ARSJ: variants seen among roughly 807,000 people sequenced by gnomAD.
ARSJ encodes the protein arylsulfatase J.
A neutral mutation model predicts 35.9 loss-of-function variants in ARSJ; 26 were observed. That is an observed-to-expected ratio of 0.72 (90% CI 0.53 to 1.00). The LOEUF is 1.00. ARSJ is among the 50% of genes least tolerant of loss of function. The pLI, the probability that ARSJ is intolerant of heterozygous loss-of-function variation, is 0.00. For synonymous variants in ARSJ, 294 were observed against 267.6 expected (o/e 1.10, Z -0.96); for missense variants, 667 against 723.6 (o/e 0.92, Z 0.90).
Position 113,977,576 on chromosome 4 carries a change from A to G in ARSJ, c.398+861T>C, listed in dbSNP as rs79871845. 0.013 allele frequency among the ~76,000 whole-genome samples: 2,038 copies of G among 152,288 alleles called. 115 individuals are homozygous for G. In the East Asian group the frequency reaches 0.16, roughly 12 times the overall value. Reference sequence around the variant, plus strand: ...GTCCAGCTTAACCCCTGCCCTTCCTAGTTTATCTTCGTTCCACAGGCTGAA... The same window carrying G: ...GTCCAGCTTAACCCCTGCCCTTCCTGGTTTATCTTCGTTCCACAGGCTGAA... On this transcript the variant is annotated intron_variant, in intron 1 of 1. Coordinates refer to ENST00000315366, the MANE Select transcript of ARSJ (RefSeq NM_024590.4).
At chr4:113,904,934 T>C (rs2099668273) in intron 1 of ARSJ, among the ~76,000 whole-genome samples, 1 of 152,240 alleles carries the variant, frequency 6.6e-6, no homozygotes, top group African/African-American at 2.4e-5. Flanking sequence ...AATAAGTCCT[T>C]ATGTATGTTT....
At chr4:113,928,804 G>T (rs575993783) in intron 1 of ARSJ, among the ~76,000 whole-genome samples, 1 of 152,248 alleles carries the variant, frequency 6.6e-6, no homozygotes, top group African/African-American at 2.4e-5. Context: ...AATCTGTTTT[G>T]CAAGGCATTG....
intron 1 of ARSJ, among the ~76,000 whole-genome samples, chr4:113,912,915 C>CA (rs1290903376): frequency 1.3e-5 from 2 of 151,882 alleles, no homozygotes; most frequent in Non-Finnish European, 2.9e-5. Flanking sequence ...GATTAGGTTT[C>CA]AAAAAAACTA....
chr4:113,918,570 A>C (rs1485880072), intron 1 of ARSJ, among the ~76,000 whole-genome samples: 1 of 152,118 alleles, frequency 6.6e-6, no homozygotes, highest in South Asian at 2.1e-4. Flanking sequence ...AACATCTAAA[A>C]TTTCTTTAAA....
chr4:113,911,538 T>C, intron 1 of ARSJ, among the ~76,000 whole-genome samples: 1 of 151,986 alleles, frequency 6.6e-6, no homozygotes, highest in Non-Finnish European at 1.5e-5. Flanking sequence ...AAGGGAAGAT[T>C]AGATATTATA....
At chr4:113,949,250 G>A (rs1350744932) in intron 1 of ARSJ, among the ~76,000 whole-genome samples, 1 of 152,018 alleles carries the variant, frequency 6.6e-6, no homozygotes, top group Non-Finnish European at 1.5e-5. Flanking sequence ...GGCGGTTGAT[G>A]GGTGCAGCAA....
Position 113,967,576 on chromosome 4 carries a change from G to A in ARSJ, c.398+10861C>T, listed in dbSNP as rs566589764. ...GGTTTCACTTGAAGTGTGGAGCTGG[G>A]GTTAGACATAGGTGTACAATCCTAT... On this transcript the variant is annotated intron_variant, in intron 1 of 1. Coordinates refer to ENST00000315366, the MANE Select transcript of ARSJ (RefSeq NM_024590.4). 2.6e-5 allele frequency among the ~76,000 whole-genome samples: 4 copies of A among 152,180 alleles called. No individual in the cohort carries two copies. In the South Asian group the frequency reaches 8.3e-4, roughly 32 times the overall value.
intron 1 of ARSJ, among the ~76,000 whole-genome samples, chr4:113,958,174 A>G (rs1048862153): frequency 6.6e-6 from 1 of 151,980 alleles, no homozygotes; most frequent in African/African-American, 2.4e-5. Flanking sequence ...TCTCCTTCCA[A>G]ACAAACCATG....
chr4:113,906,046 A>G (rs1447010489), intron 1 of ARSJ, among the ~76,000 whole-genome samples: 1 of 152,202 alleles, frequency 6.6e-6, no homozygotes, highest in Non-Finnish European at 1.5e-5. Context: ...ACACAAGTGA[A>G]TGTTTTCTAA....
chr4:113,962,483 C>CT (rs35398076), intron 1 of ARSJ, among the ~76,000 whole-genome samples: 50,732 of 139,328 alleles, frequency 0.36, 9,624 homozygotes, highest in Non-Finnish European at 0.45. Context: ...GAGCAGGCAC[C>CT]TTTTTTTTTT....
At position 113,953,369 on chromosome 4, in the gene ARSJ, T is replaced by A. The variant is rs768470946; in HGVS notation, c.398+25068A>T. 4.6e-5 allele frequency among the ~76,000 whole-genome samples: 7 copies of A among 152,220 alleles called. No homozygotes were observed. The East Asian group carries it at 1.4e-3, about 29-fold the overall frequency. ...CAAATTTCATCAGTCCTTCACAGAT[T>A]TGAAGTTCATTCTGCTTTTTTAGGA... is the stretch of plus-strand genomic sequence containing the variant. On this transcript the variant is annotated intron_variant, in intron 1 of 1. Coordinates refer to ENST00000315366, the MANE Select transcript of ARSJ (RefSeq NM_024590.4).
Position 113,973,648 on chromosome 4 carries a change from C to A in ARSJ, c.398+4789G>T, listed in dbSNP as rs181814456. On this transcript the variant is annotated intron_variant, in intron 1 of 1. Transcript: ENST00000315366. ...CCAATTCACTTTCTTACTCTCCTAGCAGATATTTTGTATCTCTCGCCCTCT... is the reference window on the plus strand; with the variant it reads ...CCAATTCACTTTCTTACTCTCCTAGAAGATATTTTGTATCTCTCGCCCTCT... 2.9e-3 allele frequency among the ~76,000 whole-genome samples: 436 copies of A among 152,286 alleles called. 5 individuals carry two copies. The highest frequency in any genetic ancestry group is 9.7e-3 in the African/African-American group (404 of 41,558).
intron 1 of ARSJ, among the ~76,000 whole-genome samples, chr4:113,912,535 T>C (rs1005251433): frequency 1.3e-5 from 2 of 152,190 alleles, no homozygotes; most frequent in Non-Finnish European, 2.9e-5. Flanking sequence ...CTATAAGTGC[T>C]GATGTAGAAA....
intron 1 of ARSJ, among the ~76,000 whole-genome samples, chr4:113,972,315 A>G (rs1727314987): frequency 1.3e-5 from 2 of 149,552 alleles, no homozygotes; most frequent in Admixed American, 6.8e-5. Context: ...AACAAAAAAA[A>G]AAACCCCACC....
intron 1 of ARSJ, among the ~76,000 whole-genome samples, chr4:113,939,930 A>G (rs527884492): frequency 2.0e-5 from 3 of 152,110 alleles, no homozygotes; most frequent in South Asian, 4.1e-4. Flanking sequence ...GTTTAATTAG[A>G]TCCCATTTGT....
Position 113,903,243 on chromosome 4 carries a change from C to T in ARSJ, c.831G>A (p.Arg277=), listed in dbSNP as rs773663397. The T allele has an allele frequency of 1.2e-6, 2 of 1,614,128 alleles. No individual in the cohort carries two copies. Among genetic ancestry groups the T allele is most frequent in the East Asian group, 4.5e-5 (2 of 44,888 alleles). The change falls in exon 2 of 2, where the codon AGG becomes AGA. Residue 277 remains arginine, a synonymous_variant. Transcript: ENST00000315366. ...AVHSPLQAPG[R]YFEHYRSIIN... ...TAATGGATCGGTAGTGTTCGAAATA[C>T]CTGCCAGGAGCTTGCAGTGGTGAAT...
At chr4:113,924,030 TATATAA>T (rs1402120134) in intron 1 of ARSJ, among the ~76,000 whole-genome samples, 2 of 3,686 alleles carry the variant, frequency 5.4e-4, no homozygotes, top group African/African-American at 6.2e-4. Context: ...TACATATATA[TATATAA>T]ATATATATAA....
chr4:113,925,082 T>C (rs909029379), intron 1 of ARSJ, among the ~76,000 whole-genome samples: 1 of 152,112 alleles, frequency 6.6e-6, no homozygotes, highest in African/African-American at 2.4e-5. Context: ...CCTGTATCCA[T>C]GCATACCTCC....
At chr4:113,924,431 T>C (rs1723925738) in intron 1 of ARSJ, among the ~76,000 whole-genome samples, 1 of 152,006 alleles carries the variant, frequency 6.6e-6, no homozygotes, top group African/African-American at 2.4e-5. Flanking sequence ...GGCAACACCC[T>C]CACAGACACA....
Sources: allele counts gnomAD v4.1 joint callset (sites outside exome capture counted in the v4.1 genomes callset), GRCh38; gene constraint gnomAD v4.1.1; transcripts MANE v1.5; gene names NCBI Gene and HGNC (gene_info 2026-07-23, HGNC 2026-07-21).